DNAH11: variants seen among roughly 807,000 people sequenced by gnomAD.
DNAH11 encodes axonemal beta dynein heavy chain 11.
In DNAH11, 442 loss-of-function variants were observed where a neutral mutation model predicts 526.0. The observed-to-expected ratio is 0.84, with a 90% CI of 0.78 to 0.91. DNAH11 has a LOEUF of 0.91. Ranked by LOEUF, DNAH11 falls within the 40% of genes least tolerant of loss-of-function variation. DNAH11 has a pLI of 0.00. For synonymous variants in DNAH11, 2,461 were observed against 1,935.9 expected (o/e 1.27, Z -7.12); for missense variants, 6,989 against 5,448.7 (o/e 1.28, Z -8.90).
rs776561202 is a variant in DNAH11, at chr7:21,807,973, C to T, written c.10256C>T (p.Ser3419Phe). The change falls in exon 63 of 82, where the codon TCT becomes TTT. Residue 3419 changes from serine to phenylalanine, a missense_variant. By Grantham distance (155) the Ser-to-Phe change is radical (BLOSUM62 -2). Coordinates refer to ENST00000409508, the MANE Select transcript of DNAH11 (RefSeq NM_001277115.2). ...GDVLLTAAFV[S>F]YVGPFTRQYR... The stretch of plus-strand genomic sequence containing the variant: ...GTTCTTCTCACGGCGGCATTTGTGT[C>T]TTACGTCGGACCCTTCACAAGGCAG... The T allele has an allele frequency of 6.2e-7, 1 of 1,607,394 alleles. No individual in the cohort carries two copies. Among genetic ancestry groups the T allele is most frequent in the African/African-American group, 1.3e-5 (1 of 74,880 alleles).
At chr7:21,566,800 T>A (rs958810587) in intron 6 of DNAH11, among the ~76,000 whole-genome samples, 1 of 152,192 alleles carries the variant, frequency 6.6e-6, no homozygotes, top group South Asian at 2.1e-4. Flanking sequence ...ACATTGGAAA[T>A]GGTTCTGGAG....
At chr7:21,832,896 T>C (rs747647961) in intron 65 of DNAH11, among the ~76,000 whole-genome samples, 1 of 152,244 alleles carries the variant, frequency 6.6e-6, no homozygotes, top group Non-Finnish European at 1.5e-5. Context: ...ACCCCTGCTC[T>C]AGAAGGATTT....
At chr7:21,669,294 C>T (rs1294216157) in intron 30 of DNAH11, among the ~76,000 whole-genome samples, 2 of 152,166 alleles carry the variant, frequency 1.3e-5, no homozygotes, top group South Asian at 2.1e-4. Flanking sequence ...GCCTCAGCCT[C>T]TTTTGTAGCA....
chr7:21,682,932 G>A (rs914464003), intron 31 of DNAH11, among the ~76,000 whole-genome samples: 32 of 151,964 alleles, frequency 2.1e-4, no homozygotes, highest in African/African-American at 6.8e-4. Context: ...GCAAAACATC[G>A]CTTACCATGT....
intron 34 of DNAH11, among the ~76,000 whole-genome samples, chr7:21,688,883 A>T (rs74952561): frequency 6.6e-6 from 1 of 152,192 alleles, no homozygotes; most frequent in East Asian, 1.9e-4. Flanking sequence ...TAACATTTTT[A>T]TCAACAGGGC....
At chr7:21,658,152 C>A (rs1782095204) in intron 29 of DNAH11, among the ~76,000 whole-genome samples, 2 of 151,744 alleles carry the variant, frequency 1.3e-5, no homozygotes, top group South Asian at 4.2e-4. Flanking sequence ...AACTAAGCTT[C>A]AATTTTTTAA....
rs142104795 is a variant in DNAH11, at chr7:21,556,497, C to T, written c.496-2305C>T. 2.6e-5 allele frequency among the ~76,000 whole-genome samples: 4 copies of T among 152,288 alleles called. No individual in the cohort carries two copies. In the East Asian group the frequency reaches 7.7e-4, roughly 29 times the overall value. On this transcript the variant is annotated intron_variant, in intron 2 of 81. Transcript: ENST00000409508. ...AGTCTCCCAGTAGGTAATGCATGTT[C>T]AGCCCAACAAATCTAAACTTTTTTC...
At position 21,599,768 on chromosome 7, in the gene DNAH11, A is replaced by T; in HGVS notation, c.2668-19A>T. 6.7e-7 allele frequency: 1 copy of T among 1,495,240 alleles called. No homozygotes were observed. The allele number at this position is 1,495,240 out of a possible 1,614,324, so 92.6% of individuals were successfully genotyped here. A position where few individuals can be genotyped will look rare whatever the true frequency, so the allele number is the denominator to read the frequency against. On this transcript the variant is annotated intron_variant, in intron 14 of 81. Coordinates refer to ENST00000409508, the MANE Select transcript of DNAH11 (RefSeq NM_001277115.2). The stretch of plus-strand genomic sequence containing the variant: ...AATTATTTGTTTATATTCATCCACT[A>T]ATACTTGTCTGTTTCTAGGAAAATA...
chr7:21,685,692 A>G (rs765645900), intron 32 of DNAH11, among the ~76,000 whole-genome samples: 8 of 152,166 alleles, frequency 5.3e-5, no homozygotes, highest in Admixed American at 2.0e-4. Context: ...GCTGTTAGAT[A>G]TTCCAAACAA....
At chr7:21,831,581 C>A (rs1383981294) in intron 65 of DNAH11, among the ~76,000 whole-genome samples, 1 of 152,174 alleles carries the variant, frequency 6.6e-6, no homozygotes, top group African/African-American at 2.4e-5. Context: ...TCCTTTCCAA[C>A]AGCATGGCAG....
At chr7:21,743,157 G>A (rs1785990008) in intron 49 of DNAH11, among the ~76,000 whole-genome samples, 2 of 152,260 alleles carry the variant, frequency 1.3e-5, no homozygotes, top group African/African-American at 4.8e-5. Flanking sequence ...GGCATATGGT[G>A]ACTTGGCAGT....
intron 5 of DNAH11, among the ~76,000 whole-genome samples, chr7:21,563,881 C>T (rs1003630989): frequency 2.0e-5 from 3 of 152,090 alleles, no homozygotes; most frequent in African/African-American, 7.2e-5. Context: ...ACAGTTTCCA[C>T]AGGGTTGAGT....
At chr7:21,842,041 T>C (rs1366064791) in intron 65 of DNAH11, among the ~76,000 whole-genome samples, 1 of 152,216 alleles carries the variant, frequency 6.6e-6, no homozygotes, top group African/African-American at 2.4e-5. Context: ...CTCACATTTA[T>C]TTCAGTGTTT....
At chr7:21,800,707 C>T (rs76449529) in intron 61 of DNAH11, among the ~76,000 whole-genome samples, 93 of 152,288 alleles carry the variant, frequency 6.1e-4, no homozygotes, top group African/African-American at 2.2e-3. Flanking sequence ...TCTTCACTGC[C>T]TGAACTATGA....
intron 30 of DNAH11, among the ~76,000 whole-genome samples, chr7:21,674,095 T>C (rs1327879302): frequency 6.6e-6 from 1 of 151,830 alleles, no homozygotes; most frequent in Non-Finnish European, 1.5e-5. Flanking sequence ...AGTTTCACCC[T>C]GTCGCCCAGG....
Position 21,772,284 on chromosome 7 carries a change from C to T in DNAH11, c.9103-1482C>T, listed in dbSNP as rs78779270. ...TGTTGTTAAAGAGAGCTTTCAGCGC[C>T]TCCAAGGAGCCTCCTCATAAGGATC... On this transcript the variant is annotated intron_variant, in intron 55 of 81. Transcript: ENST00000409508. Among the ~76,000 whole-genome samples the T allele has an allele frequency of 9.7e-3, 1,471 of 152,098 alleles. 20 individuals are homozygous for T. Among genetic ancestry groups the T allele is most frequent in the African/African-American group, 0.034 (1,397 of 41,498 alleles).
chr7:21,773,768 A>T lies in DNAH11; in HGVS notation c.9105A>T (p.Pro3035=). The T allele has an allele frequency of 6.5e-7, 1 of 1,542,956 alleles. No individual in the cohort carries two copies. The highest frequency in any genetic ancestry group is 8.7e-7 in the Non-Finnish European group (1 of 1,144,796). ...RFIEETKGIE[P]VHKDSISLFM... Reference sequence around the variant, plus strand: ...AACTGTAATGTTTGTGTTTTCAGCCAGTGCACAAAGACTCTATTAGCCTTT... The same window carrying T: ...AACTGTAATGTTTGTGTTTTCAGCCTGTGCACAAAGACTCTATTAGCCTTT... Residue 3035 remains proline, a splice_region_variant and synonymous_variant, in exon 56 of 82, where the codon CCA becomes CCT. Coordinates refer to ENST00000409508, the MANE Select transcript of DNAH11 (RefSeq NM_001277115.2).
chr7:21,705,128 A>G (rs1293859205), intron 38 of DNAH11, among the ~76,000 whole-genome samples: 1 of 151,038 alleles, frequency 6.6e-6, no homozygotes, highest in East Asian at 1.9e-4. Flanking sequence ...ATTTTATAGG[A>G]TATAAATCAT....
chr7:21,803,566 G>A (rs932176960), intron 62 of DNAH11, among the ~76,000 whole-genome samples: 13 of 149,210 alleles, frequency 8.7e-5, no homozygotes, highest in African/African-American at 3.2e-4. Context: ...GTCAGAACTA[G>A]ATAAACTGCT....
Sources: gnomAD v4.1 joint callset for allele counts (sites outside exome capture counted in the v4.1 genomes callset) on GRCh38, gnomAD v4.1.1 for gene constraint, MANE v1.5 for transcripts, NCBI Gene and HGNC (gene_info 2026-07-23, HGNC 2026-07-21) for gene names.